The following PCBD2 variants were observed in gnomAD, a reference collection of about 807,000 sequenced individuals.
PCBD2 encodes pterin-4-alpha-carbinolamine dehydratase 2.
Under a neutral mutation model 16.4 loss-of-function variants are expected in PCBD2, and 12 were observed. That is an observed-to-expected ratio of 0.73 (90% CI 0.47 to 1.19). The LOEUF (loss-of-function observed/expected upper bound fraction) is 1.19. PCBD2 is among the 50% of genes most tolerant of loss of function. PCBD2 has a pLI of 0.00. For synonymous variants in PCBD2, 58 were observed against 61.8 expected (o/e 0.94, Z 0.29); for missense variants, 138 against 156.8 (o/e 0.88, Z 0.64).
intron 1 of PCBD2, among the ~76,000 whole-genome samples, chr5:134,906,299 G>A (rs1298535638): frequency 1.4e-5 from 2 of 147,282 alleles, no homozygotes. Flanking sequence ...CGCCTCCCGG[G>A]TTCACGCCAT....
chr5:134,950,129 A>G (rs1383445414), intron 2 of PCBD2, among the ~76,000 whole-genome samples: 3 of 152,366 alleles, frequency 2.0e-5, no homozygotes, highest in Admixed American at 6.5e-5. Flanking sequence ...TTATAAAAGA[A>G]GGGTTATAGG....
intron 2 of PCBD2, among the ~76,000 whole-genome samples, chr5:134,915,171 C>T (rs891919998): frequency 5.9e-5 from 9 of 151,898 alleles, no homozygotes; most frequent in African/African-American, 2.2e-4. Flanking sequence ...AAAAATTAAC[C>T]AGGCGTGGTG....
intron 2 of PCBD2, chr5:134,924,458 G>T: frequency 2.5e-6 from 1 of 397,042 alleles, no homozygotes; most frequent in South Asian, 1.3e-4. Flanking sequence ...ATGATGGGGT[G>T]GTGGTTGTGG....
At chr5:134,932,949 G>A (rs2149535762) in intron 2 of PCBD2, among the ~76,000 whole-genome samples, 1 of 152,170 alleles carries the variant, frequency 6.6e-6, no homozygotes, top group Middle Eastern at 3.4e-3. Context: ...CATTCTAATA[G>A]GAATGATACC....
At chr5:134,933,010 T>A (rs551788928) in intron 2 of PCBD2, among the ~76,000 whole-genome samples, 14 of 152,318 alleles carry the variant, frequency 9.2e-5, no homozygotes, top group African/African-American at 3.4e-4. Context: ...AATTTTTTTT[T>A]ATGATTGCAT....
intron 2 of PCBD2, among the ~76,000 whole-genome samples, chr5:134,954,226 G>A (rs1040234208): frequency 1.3e-5 from 2 of 152,184 alleles, no homozygotes; most frequent in African/African-American, 2.4e-5. Flanking sequence ...TTCCCAAAGC[G>A]CTGGGATTAC....
At chr5:134,926,949 C>T (rs1207056287) in intron 2 of PCBD2, 2 of 398,272 alleles carry the variant, frequency 5.0e-6, no homozygotes, top group Non-Finnish European at 8.8e-6. Context: ...ATTAGTGAGG[C>T]TTGCTAGAAG....
intron 2 of PCBD2, among the ~76,000 whole-genome samples, chr5:134,951,559 A>G (rs2149539778): frequency 6.6e-6 from 1 of 152,358 alleles, no homozygotes; most frequent in Middle Eastern, 3.4e-3. Context: ...GGACATTTTC[A>G]GTTTTGACAG....
intron 2 of PCBD2, chr5:134,925,209 G>A (rs1384106159): frequency 2.5e-6 from 1 of 398,388 alleles, no homozygotes; most frequent in East Asian, 3.6e-5. Context: ...CGCTTGTCAG[G>A]GAGGTGGCGA....
chr5:134,934,116 T>C (rs1751130379), intron 2 of PCBD2, among the ~76,000 whole-genome samples: 1 of 152,106 alleles, frequency 6.6e-6, no homozygotes, highest in African/African-American at 2.4e-5. Flanking sequence ...TCAGGAAGGG[T>C]TTCCTGAAAG....
chr5:134,947,016 C>T (rs971846154), intron 2 of PCBD2, among the ~76,000 whole-genome samples: 1 of 151,966 alleles, frequency 6.6e-6, no homozygotes, highest in African/African-American at 2.4e-5. Flanking sequence ...GTAGTTATGT[C>T]TCCTGAAAGG....
In PCBD2 at chr5:134,918,616, T is replaced by C. The variant is rs187179894; in HGVS notation, c.216+8150T>C. 3.2e-4 allele frequency among the ~76,000 whole-genome samples: 49 copies of C among 152,368 alleles called. No individual in the cohort carries two copies. The Middle Eastern group carries it at 0.01, about 32-fold the overall frequency. ...AAACTCGTATGGCTGTCACACACACTGTTGCATTTAACATGTGCTCATGAT... is the reference window on the plus strand; with the variant it reads ...AAACTCGTATGGCTGTCACACACACCGTTGCATTTAACATGTGCTCATGAT... On this transcript the variant is annotated intron_variant, in intron 2 of 3. Coordinates refer to ENST00000254908, the MANE Select transcript of PCBD2 (RefSeq NM_032151.5).
chr5:134,949,148 C>G (rs1291998638), intron 2 of PCBD2, among the ~76,000 whole-genome samples: 1 of 152,078 alleles, frequency 6.6e-6, no homozygotes, highest in Non-Finnish European at 1.5e-5. Context: ...CATGAGTCAC[C>G]TGCTTGGCTG....
chr5:134,927,295 G>A, intron 2 of PCBD2: 2 of 398,538 alleles, frequency 5.0e-6, no homozygotes, highest in Non-Finnish European at 8.8e-6. Flanking sequence ...TTGAGAATGA[G>A]TGTGAGGCGT....
chr5:134,958,926 A>G, intron 2 of PCBD2, 114 bp from the exon 3 acceptor site: 1 of 731,032 alleles, frequency 1.4e-6, no homozygotes, highest in South Asian at 1.9e-5. Flanking sequence ...TGATTTCCAC[A>G]GGCTTCCCTA....
At chr5:134,922,220 G>A (rs1163391781) in intron 2 of PCBD2, among the ~76,000 whole-genome samples, 1 of 152,022 alleles carries the variant, frequency 6.6e-6, no homozygotes, top group African/African-American at 2.4e-5. Context: ...GTTTTGTTTT[G>A]TTTTTAGAGA....
chr5:134,905,192 T>C lies in PCBD2; in HGVS notation c.53T>C (p.Leu18Pro). ...LGATRRLLAA[L>P]RGQSLGLAAM... Reference sequence around the variant, plus strand: ...GCGACGCGGCGCTTGTTGGCGGCGCTGCGAGGCCAGAGCCTAGGGCTAGCG... The same window carrying C: ...GCGACGCGGCGCTTGTTGGCGGCGCCGCGAGGCCAGAGCCTAGGGCTAGCG... The change falls in exon 1 of 4, where the codon CTG (leucine) becomes CCG (proline). Residue 18 changes from leucine (L) to proline (P), a missense_variant. Leu to Pro is a moderately conservative substitution (Grantham distance 98). Coordinates refer to ENST00000254908, the MANE Select transcript of PCBD2 (RefSeq NM_032151.5). 1 of 1,222,890 alleles carries C rather than the reference T, an allele frequency of 8.2e-7. No homozygotes were observed. Among genetic ancestry groups the C allele is most frequent in the East Asian group, 3.2e-5 (1 of 30,948 alleles). The allele number at this position is 1,222,890 out of a possible 1,614,324, so 75.8% of individuals were successfully genotyped here. A position where few individuals can be genotyped will look rare whatever the true frequency, so the allele number is the denominator to read the frequency against.
At position 134,960,614 on chromosome 5, in the gene PCBD2, G is replaced by A. The variant is rs899027412; in HGVS notation, c.326G>A (p.Cys109Tyr). 3.1e-6 allele frequency: 5 copies of A among 1,613,126 alleles called. No homozygotes were observed. Among genetic ancestry groups the A allele is most frequent in the Non-Finnish European group, 4.2e-6 (5 of 1,179,260 alleles). ...KVQITLTSHD[C>Y]GELTKKDVKL... is the part of the protein sequence containing the mutation. ...CAGATAACTCTCACCTCACATGACT[G>A]TGGTGAACTGACCAAAAAAGATGTG... The change falls in exon 4 of 4, where the codon TGT (cysteine) becomes TAT (tyrosine). Residue 109 changes from cysteine (C) to tyrosine (Y), a missense_variant. Coordinates refer to ENST00000254908, the MANE Select transcript of PCBD2 (RefSeq NM_032151.5).
chr5:134,961,958 C>T lies in PCBD2; in HGVS notation c.*1277C>T, dbSNP rs548291191. ...TAAATTTTTTGTAGAGATGGGGTCT[C>T]CCATCTTGCCCAGGCTGGCCTTGAA... On this transcript the variant is annotated 3_prime_UTR_variant, in exon 4 of 4. Transcript: ENST00000254908. Among the ~76,000 whole-genome samples the T allele has an allele frequency of 1.6e-4, 25 of 152,098 alleles. No homozygotes were observed. The highest frequency in any genetic ancestry group is 2.8e-4 in the Non-Finnish European group (19 of 67,980).
Sources: allele counts gnomAD v4.1 joint callset (sites outside exome capture counted in the v4.1 genomes callset), GRCh38; gene constraint gnomAD v4.1.1; transcripts MANE v1.5; gene names NCBI Gene and HGNC (gene_info 2026-07-23, HGNC 2026-07-21).